SCAMP1: variants seen among roughly 807,000 people sequenced by gnomAD.
SCAMP1 encodes secretory carrier-associated membrane protein 1.
A neutral mutation model predicts 41.8 loss-of-function variants in SCAMP1; 15 were observed. That is an observed-to-expected ratio of 0.36 (90% CI 0.24 to 0.55). The LOEUF (loss-of-function observed/expected upper bound fraction) is 0.55, where lower values mean the gene tolerates loss of function less well. Ranked by LOEUF, SCAMP1 falls within the 20% of genes least tolerant of loss-of-function variation. The pLI is 0.86. For synonymous variants in SCAMP1, 135 were observed against 136.8 expected, an observed-to-expected ratio of 0.99 and a Z score of 0.09; for missense variants, 341 against 412.6, an observed-to-expected ratio of 0.83 and a Z score of 1.50.
rs149324632 is a variant in SCAMP1, at chr5:78,424,594, C to G, written c.632+2634C>G. 3.9e-5 allele frequency among the ~76,000 whole-genome samples: 6 copies of G among 152,074 alleles called. No individual in the cohort carries two copies. The South Asian group carries it at 1.0e-3, about 26-fold the overall frequency. On this transcript the variant is annotated intron_variant, in intron 6 of 8. Coordinates refer to ENST00000621999, the MANE Select transcript of SCAMP1 (RefSeq NM_004866.6). ...AAAATACAAAAAATTAGCTGAGTAT[C>G]GTGGCATGTTTCTGTAATCCCAGCT...
chr5:78,440,526 T>C (rs1421168207), intron 6 of SCAMP1, among the ~76,000 whole-genome samples: 1 of 152,158 alleles, frequency 6.6e-6, no homozygotes, highest in African/African-American at 2.4e-5. Flanking sequence ...GAACATCAAA[T>C]ATTGCAGAAC....
chr5:78,406,865 C>T (rs1407234483), intron 2 of SCAMP1, among the ~76,000 whole-genome samples: 1 of 152,124 alleles, frequency 6.6e-6, no homozygotes, highest in Non-Finnish European at 1.5e-5. Flanking sequence ...GTTTTTGATT[C>T]TGCCTCCGGG....
intron 7 of SCAMP1, among the ~76,000 whole-genome samples, chr5:78,456,389 A>G (rs1436090242): frequency 2.0e-5 from 3 of 152,042 alleles, no homozygotes; most frequent in Non-Finnish European, 2.9e-5. Flanking sequence ...GGTGGTGACA[A>G]AATCTCTCAG....
intron 6 of SCAMP1, among the ~76,000 whole-genome samples, chr5:78,448,886 A>G (rs935667314): frequency 2.6e-5 from 4 of 151,946 alleles, no homozygotes; most frequent in Non-Finnish European, 5.9e-5. Context: ...TGTAATCCCA[A>G]CTACTCGGGA....
At chr5:78,462,812 T>C (rs1242662725) in intron 8 of SCAMP1, among the ~76,000 whole-genome samples, 1 of 152,254 alleles carries the variant, frequency 6.6e-6, no homozygotes, top group Admixed American at 6.5e-5. Flanking sequence ...AGTTTTATTT[T>C]GTCTTGGATA....
chr5:78,459,678 G>T (rs1230944966), intron 8 of SCAMP1, among the ~76,000 whole-genome samples: 1 of 152,030 alleles, frequency 6.6e-6, no homozygotes, highest in Non-Finnish European at 1.5e-5. Flanking sequence ...TGATATGAAG[G>T]ATATTAGCCT....
chr5:78,467,011 A>G (rs1025252313), intron 8 of SCAMP1, among the ~76,000 whole-genome samples: 1 of 152,218 alleles, frequency 6.6e-6, no homozygotes, highest in African/African-American at 2.4e-5. Context: ...AAGAGAGTAC[A>G]AGAAAAATGG....
intron 6 of SCAMP1, among the ~76,000 whole-genome samples, chr5:78,434,215 C>A (rs1398528550): frequency 6.6e-6 from 1 of 152,210 alleles, no homozygotes; most frequent in Non-Finnish European, 1.5e-5. Flanking sequence ...TGTACTCTCT[C>A]TAACCAACCT....
chr5:78,364,521 G>A (rs1750745213), intron 1 of SCAMP1, among the ~76,000 whole-genome samples: 1 of 152,110 alleles, frequency 6.6e-6, no homozygotes, highest in Non-Finnish European at 1.5e-5. Flanking sequence ...TCATTGTCTT[G>A]TGCCCATGTG....
At chr5:78,443,973 G>C (rs1433734955) in intron 6 of SCAMP1, among the ~76,000 whole-genome samples, 2 of 152,040 alleles carry the variant, frequency 1.3e-5, no homozygotes, top group Admixed American at 1.3e-4. Flanking sequence ...GATTTTAAGA[G>C]ATAGACTCTA....
At chr5:78,360,951 C>T in intron 1 of SCAMP1, 1 of 540,084 alleles carries the variant, frequency 1.9e-6, no homozygotes, top group Non-Finnish European at 3.3e-6. Context: ...GCCCGGTCGC[C>T]CTTCCACACG....
chr5:78,364,763 A>G (rs1298280408), intron 1 of SCAMP1, among the ~76,000 whole-genome samples: 1 of 151,902 alleles, frequency 6.6e-6, no homozygotes, highest in African/African-American at 2.4e-5. Flanking sequence ...GAGACCTTGG[A>G]AAGTTACTTA....
Position 78,360,916 on chromosome 5 carries a change from T to TG in SCAMP1, c.57+193dup, listed in dbSNP as rs1394710596. The TG allele has an allele frequency of 2.8e-5, 17 of 597,674 alleles. No individual in the cohort carries two copies. The South Asian group carries it at 3.4e-4, about 12-fold the overall frequency. 37.0% of individuals were successfully genotyped at this position (597,674 alleles called of 1,614,324 possible). On this transcript the variant is annotated intron_variant, in intron 1 of 8. Transcript: ENST00000621999. ...TGTCACTCCTTTGGGTTTTGGGGCT[T>TG]GGGGGTGGAACCTCCTCAGCTCGTG...
At position 78,388,483 on chromosome 5, in the gene SCAMP1, C is replaced by T. The variant is rs75691253; in HGVS notation, c.58-354C>T. Reference sequence around the variant, plus strand: ...CTGAAGCTGTTATAAAAAGGGGGAACGTGAACTCTTTGTCGAGGCCAAAGG... The same window carrying T: ...CTGAAGCTGTTATAAAAAGGGGGAATGTGAACTCTTTGTCGAGGCCAAAGG... On this transcript the variant is annotated intron_variant, in intron 1 of 8. Coordinates refer to ENST00000621999, the MANE Select transcript of SCAMP1 (RefSeq NM_004866.6). 4.9e-3 allele frequency among the ~76,000 whole-genome samples: 752 copies of T among 152,264 alleles called. 4 individuals are homozygous for T. Among genetic ancestry groups the T allele is most frequent in the Non-Finnish European group, 7.4e-3 (505 of 68,012 alleles).
intron 2 of SCAMP1, among the ~76,000 whole-genome samples, chr5:78,392,646 A>C (rs1751549477): frequency 6.6e-6 from 1 of 152,256 alleles, no homozygotes; most frequent in African/African-American, 2.4e-5. Context: ...ACAATGAAAC[A>C]CTTCCCTTAG....
At chr5:78,435,936 T>C (rs568848844) in intron 6 of SCAMP1, among the ~76,000 whole-genome samples, 2 of 152,344 alleles carry the variant, frequency 1.3e-5, no homozygotes, top group South Asian at 4.1e-4. Context: ...CGTGAGATGG[T>C]ATCTCATTGT....
chr5:78,447,164 C>T (rs1441317929), intron 6 of SCAMP1, among the ~76,000 whole-genome samples: 2 of 152,216 alleles, frequency 1.3e-5, no homozygotes, highest in Admixed American at 6.5e-5. Flanking sequence ...TCCCACCCCA[C>T]CATACGTAGA....
intron 6 of SCAMP1, among the ~76,000 whole-genome samples, chr5:78,436,586 T>C (rs1237353191): frequency 6.6e-6 from 1 of 152,234 alleles, no homozygotes; most frequent in Non-Finnish European, 1.5e-5. Flanking sequence ...GGTCTAAATA[T>C]CTCTTTTGGT....
chr5:78,457,318 A>C (rs1039456624), intron 7 of SCAMP1, among the ~76,000 whole-genome samples: 5 of 151,886 alleles, frequency 3.3e-5, no homozygotes, highest in African/African-American at 9.7e-5. Flanking sequence ...TTGTGGTTTT[A>C]TCTACTTTTG....
Sources: gnomAD v4.1 joint callset for allele counts (sites outside exome capture counted in the v4.1 genomes callset) on GRCh38, gnomAD v4.1.1 for gene constraint, MANE v1.5 for transcripts, NCBI Gene and HGNC (gene_info 2026-07-23, HGNC 2026-07-21) for gene names.